SDK2: variants seen among roughly 807,000 people sequenced by gnomAD.
The protein encoded by SDK2 is protein sidekick-2.
In SDK2, 105 loss-of-function variants were observed where a neutral mutation model predicts 253.9. The ratio of observed to expected loss-of-function variants is 0.41; its 90% CI spans 0.35 to 0.49. The LOEUF is 0.49. Ranked by LOEUF, SDK2 falls within the 20% of genes least tolerant of loss-of-function variation. SDK2 has a pLI of 0.06. For synonymous variants in SDK2, 1,249 were observed against 1,234.9 expected (o/e 1.01, Z -0.24); for missense variants, 2,608 against 3,003.0 (o/e 0.87, Z 3.07).
intron 1 of SDK2, among the ~76,000 whole-genome samples, chr17:73,530,570 A>C (rs1206263610): frequency 6.6e-6 from 1 of 152,074 alleles, no homozygotes; most frequent in Non-Finnish European, 1.5e-5. Context: ...CCCTATATAC[A>C]AGGACCCTAT....
chr17:73,477,061 T>C (rs2063691241), intron 2 of SDK2, among the ~76,000 whole-genome samples: 1 of 152,190 alleles, frequency 6.6e-6, no homozygotes, highest in Non-Finnish European at 1.5e-5. Flanking sequence ...GGAAACCCAC[T>C]TCACTCCACC....
At chr17:73,401,905 G>A (rs1165858375) in intron 19 of SDK2, 41 bp downstream of exon 19, 10 of 1,484,056 alleles carry the variant, frequency 6.7e-6, no homozygotes, top group Middle Eastern at 2.0e-4. Context: ...CCTGGCCTTG[G>A]GCGGGGGGGG....
chr17:73,622,291 G>T (rs1250205351), intron 1 of SDK2, among the ~76,000 whole-genome samples: 2 of 152,318 alleles, frequency 1.3e-5, no homozygotes, highest in South Asian at 4.1e-4. Flanking sequence ...TCAGCAACAC[G>T]TTGGAAAGGG....
intron 1 of SDK2, among the ~76,000 whole-genome samples, chr17:73,623,846 C>A (rs1001216517): frequency 2.0e-5 from 3 of 152,314 alleles, no homozygotes; most frequent in Admixed American, 2.0e-4. Context: ...ATGAGTTCCC[C>A]CAAGAGCTCT....
At chr17:73,437,289 G>A (rs1030909275) in intron 8 of SDK2, among the ~76,000 whole-genome samples, 2 of 152,140 alleles carry the variant, frequency 1.3e-5, no homozygotes, top group African/African-American at 2.4e-5. Flanking sequence ...AATTCTCCAG[G>A]AACTCTTTCA....
chr17:73,560,901 T>C (rs1274459859), intron 1 of SDK2, among the ~76,000 whole-genome samples: 1 of 152,072 alleles, frequency 6.6e-6, no homozygotes, highest in Non-Finnish European at 1.5e-5. Context: ...AGCAAGGACT[T>C]GTGGCAGGAG....
Position 73,395,282 on chromosome 17 carries a change from A to T in SDK2, c.3465T>A (p.Arg1155=). 2 of 1,613,804 alleles carry T rather than the reference A, an allele frequency of 1.2e-6. No homozygotes were observed. The highest frequency in any genetic ancestry group is 8.5e-7 in the Non-Finnish European group (1 of 1,179,830). Residue 1155 remains arginine, a synonymous_variant, in exon 25 of 45, where the codon CGT becomes CGA. Coordinates refer to ENST00000392650, the MANE Select transcript of SDK2 (RefSeq NM_001144952.2). This position sits in a 1 kb window ranked among gnomAD's most constrained non-coding sequence, Gnocchi z 4.3. ...GKTLSHVVQD[R]VERDYTIEDL... is the part of the protein sequence containing the mutation. ...CCTCGATGGTGTAGTCCCGCTCCAC[A>T]CGGTCCTGCACCACGTGGCTCAGCG...
chr17:73,436,743 C>T (rs534635198), intron 8 of SDK2, among the ~76,000 whole-genome samples: 48 of 152,118 alleles, frequency 3.2e-4, no homozygotes, highest in South Asian at 2.5e-3. Flanking sequence ...ATCCACCATG[C>T]GCTCTCTTTC....
At chr17:73,553,969 G>A (rs570773271) in intron 1 of SDK2, among the ~76,000 whole-genome samples, 82 of 152,286 alleles carry the variant, frequency 5.4e-4, no homozygotes, top group Middle Eastern at 3.4e-3. Flanking sequence ...TTGAGGAGAG[G>A]ACAGGAGCAT....
intron 1 of SDK2, among the ~76,000 whole-genome samples, chr17:73,512,729 T>C (rs570566035): frequency 6.6e-6 from 1 of 152,110 alleles, no homozygotes; most frequent in Non-Finnish European, 1.5e-5. Flanking sequence ...GCTGCAATAA[T>C]GAAAACAGTG....
At chr17:73,407,854 T>C (rs2063091722) in intron 18 of SDK2, among the ~76,000 whole-genome samples, 1 of 152,132 alleles carries the variant, frequency 6.6e-6, no homozygotes, top group African/African-American at 2.4e-5. Context: ...AAGGGAAAAT[T>C]CTTGTTTTTG....
chr17:73,340,974 C>T (rs1195798919), intron 44 of SDK2, among the ~76,000 whole-genome samples: 1 of 150,974 alleles, frequency 6.6e-6, no homozygotes, highest in Non-Finnish European at 1.5e-5. Flanking sequence ...GAACTCCCAA[C>T]CTCAGGTGAT....
At chr17:73,458,456 G>T (rs191622891) in intron 3 of SDK2, among the ~76,000 whole-genome samples, 2 of 152,176 alleles carry the variant, frequency 1.3e-5, no homozygotes, top group African/African-American at 4.8e-5. Context: ...TCACACAATC[G>T]TTTGAGAATG....
In SDK2 at chr17:73,381,023, C is replaced by T. The variant is rs2062826669; in HGVS notation, c.4706-73G>A. On this transcript the variant is annotated intron_variant, in intron 33 of 44. Transcript: ENST00000392650. ...CAGAGGAGGTTAGTGCTCACACATC[C>T]CCACCCCACAAAGAAACCCCGGCCA... The T allele has an allele frequency of 1.6e-5, 15 of 910,094 alleles. No homozygotes were observed. The South Asian group carries it at 2.0e-4, about 12-fold the overall frequency. The allele number at this position is 910,094 out of a possible 1,614,324, so 56.4% of individuals were successfully genotyped here.
chr17:73,524,835 C>T (rs1457240771), intron 1 of SDK2, among the ~76,000 whole-genome samples: 1 of 152,258 alleles, frequency 6.6e-6, no homozygotes, highest in African/African-American at 2.4e-5. Flanking sequence ...ATGCATGAAG[C>T]GGTTTGGAAA....
In SDK2 at chr17:73,465,474, G is replaced by A. The variant is rs940932193; in HGVS notation, c.331+6638C>T. Among the ~76,000 whole-genome samples, 2 of 152,082 alleles carry A rather than the reference G, an allele frequency of 1.3e-5. No homozygotes were observed. The highest frequency in any genetic ancestry group is 1.3e-4 in the Admixed American group (2 of 15,274). The stretch of plus-strand genomic sequence containing the variant: ...GCTGGCTGTGGTGAAACGCTGGCTC[G>A]AGGTCCTCTGCCACCTCCGGAAGGC... On this transcript the variant is annotated intron_variant, in intron 3 of 44. Transcript: ENST00000392650. This position sits in a 1 kb window ranked among gnomAD's most constrained non-coding sequence, Gnocchi z 4.2.
chr17:73,631,927 G>C (rs1333455557), intron 1 of SDK2, among the ~76,000 whole-genome samples: 1 of 152,200 alleles, frequency 6.6e-6, no homozygotes, highest in Non-Finnish European at 1.5e-5. Context: ...CCCACTGCTG[G>C]TGTTGATTGG....
chr17:73,364,076 G>A (rs2062663875), intron 38 of SDK2, among the ~76,000 whole-genome samples: 2 of 151,988 alleles, frequency 1.3e-5, no homozygotes, highest in African/African-American at 2.4e-5. Context: ...GTGAGAGTGA[G>A]AGGGGTGGCT....
At chr17:73,414,325 G>A (rs943039405) in intron 18 of SDK2, among the ~76,000 whole-genome samples, 4 of 151,968 alleles carry the variant, frequency 2.6e-5, no homozygotes, top group African/African-American at 9.7e-5. Flanking sequence ...GGGGATTACA[G>A]ATGTGAGCCA....
Sources: allele counts gnomAD v4.1 joint callset (sites outside exome capture counted in the v4.1 genomes callset), GRCh38; gene constraint gnomAD v4.1.1; non-coding constraint Gnocchi (gnomAD v3.1); transcripts MANE v1.5; gene names NCBI Gene and HGNC (gene_info 2026-07-23, HGNC 2026-07-21).